The following MAP4 variants were observed in gnomAD, a reference collection of about 807,000 sequenced individuals.
MAP4 encodes the protein microtubule associated protein 4.
A neutral mutation model predicts 170.2 loss-of-function variants in MAP4; 76 were observed. The observed-to-expected ratio is 0.45, with a 90% CI of 0.37 to 0.54. The LOEUF is 0.54. Among genes scored for constraint, MAP4 ranks in the 20% least tolerant of loss-of-function variants. The probability of loss-of-function intolerance (pLI) is 0.00; values close to 1 mark genes in which losing one functional copy is unlikely to be tolerated. For synonymous variants in MAP4, 909 were observed against 994.5 expected (o/e 0.91, Z 1.62); for missense variants, 2,506 against 2,748.0 (o/e 0.91, Z 1.97).
intron 1 of MAP4, among the ~76,000 whole-genome samples, chr3:48,048,510 T>A (rs1422030499): frequency 6.3e-5 from 2 of 31,876 alleles, no homozygotes; most frequent in Non-Finnish European, 1.8e-4. Flanking sequence ...AATTATCTTT[T>A]TTTTTTTTTT....
intron 1 of MAP4, among the ~76,000 whole-genome samples, chr3:48,065,069 G>T (rs2100137709): frequency 6.6e-6 from 1 of 152,154 alleles, no homozygotes; most frequent in African/African-American, 2.4e-5. Flanking sequence ...GTTCCAGGCT[G>T]CAGTGAGTTA....
At position 47,910,982 on chromosome 3, in the gene MAP4, G is replaced by C; in HGVS notation, c.3439C>G (p.Gln1147Glu). 6.5e-7 allele frequency: 1 copy of C among 1,536,138 alleles called. No homozygotes were observed. The highest frequency in any genetic ancestry group is 1.2e-5 in the South Asian group (1 of 84,062). The change falls in exon 9 of 21, where the codon CAG becomes GAG. Residue 1147 changes from glutamine to glutamate, a missense_variant. Coordinates refer to ENST00000683076, the MANE Select transcript of MAP4 (RefSeq NM_001385682.1). ...TGCATGGTGCCTGCCACCTTAGGCT[G>C]AGTCATCTCTTTAGGCTCCCCCATC... Reference protein sequence around the residue: ...VVMGEPKEMTQPKVAGTMQAL... With the variant: ...VVMGEPKEMTEPKVAGTMQAL...
chr3:48,008,482 G>C (rs941369497), intron 1 of MAP4, among the ~76,000 whole-genome samples: 2 of 152,238 alleles, frequency 1.3e-5, no homozygotes, highest in Non-Finnish European at 2.9e-5. Context: ...TGAATGGAAG[G>C]AGAAATGGCC....
intron 1 of MAP4, among the ~76,000 whole-genome samples, chr3:48,081,307 A>T (rs538179595): frequency 6.6e-6 from 1 of 151,584 alleles, no homozygotes; most frequent in East Asian, 1.9e-4. Context: ...AAATAAATAA[A>T]ATAAATAAAT....
At chr3:47,857,350 G>T in intron 18 of MAP4, 81 bp downstream of exon 18, 1 of 1,134,324 alleles carries the variant, frequency 8.8e-7, no homozygotes, top group Non-Finnish European at 1.3e-6. Context: ...TGAAACCCTT[G>T]CCAGCCAGCT....
At chr3:47,931,509 G>A (rs2100049801) in intron 3 of MAP4, among the ~76,000 whole-genome samples, 1 of 151,964 alleles carries the variant, frequency 6.6e-6, no homozygotes, top group Non-Finnish European at 1.5e-5. Context: ...ACAGGGTCTT[G>A]CTCTGTCATC....
intron 1 of MAP4, among the ~76,000 whole-genome samples, chr3:48,038,511 A>AGT (rs1261234099): frequency 7.5e-6 from 1 of 133,978 alleles, no homozygotes; most frequent in Non-Finnish European, 1.5e-5. Flanking sequence ...CCCAGGCTGG[A>AGT]GTGCAGTGGC....
chr3:47,861,397 G>A (rs1301111184), intron 17 of MAP4, among the ~76,000 whole-genome samples: 1 of 146,906 alleles, frequency 6.8e-6, no homozygotes, highest in Non-Finnish European at 1.5e-5. Context: ...TTTGTCGCCA[G>A]GCTGGAGTCC....
At chr3:48,081,752 C>A (rs1019377085) in intron 1 of MAP4, among the ~76,000 whole-genome samples, 1 of 152,092 alleles carries the variant, frequency 6.6e-6, no homozygotes, top group African/African-American at 2.4e-5. Flanking sequence ...TCCTAACTAT[C>A]CCCTGAGAGG....
intron 3 of MAP4, among the ~76,000 whole-genome samples, chr3:47,967,977 C>T (rs62260779): frequency 0.063 from 9,553 of 152,128 alleles, 421 homozygotes; most frequent in Non-Finnish European, 0.095. Flanking sequence ...CACTTTAAAT[C>T]GTCCTACCAG....
intron 9 of MAP4, 101 bp downstream of exon 9, chr3:47,908,937 G>A (rs1003819426): frequency 3.3e-6 from 4 of 1,219,088 alleles, no homozygotes; most frequent in Non-Finnish European, 4.6e-6. Context: ...GATTAACAAG[G>A]ATGATTAGAG....
intron 10 of MAP4, among the ~76,000 whole-genome samples, chr3:47,889,994 C>T (rs1559923336): frequency 6.7e-6 from 1 of 149,896 alleles, no homozygotes; most frequent in Non-Finnish European, 1.5e-5. Context: ...CTAGAAAATA[C>T]CATTTCTTAC....
intron 2 of MAP4, among the ~76,000 whole-genome samples, chr3:47,991,516 G>C (rs1487276448): frequency 6.6e-6 from 1 of 152,052 alleles, no homozygotes; most frequent in Non-Finnish European, 1.5e-5. Flanking sequence ...AAAAATAAAA[G>C]GATAAGCAAG....
At chr3:47,945,774 C>T (rs1185952393) in intron 3 of MAP4, among the ~76,000 whole-genome samples, 5 of 151,734 alleles carry the variant, frequency 3.3e-5, no homozygotes, top group Non-Finnish European at 7.4e-5. Flanking sequence ...GGCTGGAGTG[C>T]AGTGGAGCGA....
At chr3:47,865,906 G>A (rs1217075136) in intron 17 of MAP4, among the ~76,000 whole-genome samples, 1 of 152,164 alleles carries the variant, frequency 6.6e-6, no homozygotes, top group Non-Finnish European at 1.5e-5. Flanking sequence ...GTAAGACTTC[G>A]CCCTGTCTCT....
chr3:48,039,902 T>C (rs1442960049), intron 1 of MAP4, among the ~76,000 whole-genome samples: 1 of 152,208 alleles, frequency 6.6e-6, no homozygotes, highest in African/African-American at 2.4e-5. Flanking sequence ...CTAAAGCAAC[T>C]TGGTAAGCCA....
rs964190557 is a variant in MAP4 at position 48,038,082 on chromosome 3, C to T, written c.-19-39203G>A. ...ACTCAGGAGGCTGAGGCAAGAGAATCGCTTCAACCCAGCAGGTGGAGTTTG... is the reference window on the plus strand; with the variant it reads ...ACTCAGGAGGCTGAGGCAAGAGAATTGCTTCAACCCAGCAGGTGGAGTTTG... On this transcript the variant is annotated intron_variant, in intron 1 of 18. Transcript: ENST00000360240. Among the ~76,000 whole-genome samples the T allele has an allele frequency of 6.0e-5, 9 of 151,024 alleles. No homozygotes were observed. In the South Asian group the frequency reaches 8.4e-4, roughly 14 times the overall value.
At chr3:47,894,896 C>A (rs1209487043) in intron 10 of MAP4, among the ~76,000 whole-genome samples, 1 of 151,450 alleles carries the variant, frequency 6.6e-6, no homozygotes, top group Admixed American at 6.6e-5. Flanking sequence ...GCATGGTGAT[C>A]ACAATTGTGG....
At chr3:48,060,759 A>AAT (rs1275172070) in intron 1 of MAP4, among the ~76,000 whole-genome samples, 13 of 152,078 alleles carry the variant, frequency 8.5e-5, no homozygotes, top group Non-Finnish European at 1.9e-4. Flanking sequence ...ACAAAAAAAA[A>AAT]AATAATAATA....
Sources: allele counts gnomAD v4.1 joint callset (sites outside exome capture counted in the v4.1 genomes callset), GRCh38; gene constraint gnomAD v4.1.1; transcripts MANE v1.5; gene names NCBI Gene and HGNC (gene_info 2026-07-23, HGNC 2026-07-21).